Variants in GNG2 observed in about 807,000 individuals in gnomAD.
GNG2 encodes guanine nucleotide-binding protein G(I)/G(S)/G(O) subunit gamma-2.
A neutral mutation model predicts 5.5 loss-of-function variants in GNG2; 5 were observed. The ratio of observed to expected loss-of-function variants is 0.91; its 90% CI spans 0.48 to 1.92. GNG2 has a LOEUF of 1.92. Ranked by LOEUF, GNG2 falls within the 30% of genes most tolerant of loss-of-function variation. GNG2 has a pLI of 0.01. For missense variants in GNG2, 55 were observed against 88.4 expected (o/e 0.62, Z 1.52); for synonymous variants, 28 against 32.0 (o/e 0.88, Z 0.42).
intron 2 of GNG2, among the ~76,000 whole-genome samples, chr14:51,846,620 G>A (rs779274686): frequency 5.3e-5 from 8 of 152,194 alleles, no homozygotes; most frequent in Non-Finnish European, 1.0e-4. Flanking sequence ...CTGCCACCCA[G>A]CTGAATATTT....
At chr14:51,919,116 C>T (rs1227638741) in intron 2 of GNG2, among the ~76,000 whole-genome samples, 4 of 152,098 alleles carry the variant, frequency 2.6e-5, no homozygotes, top group African/African-American at 7.2e-5. Context: ...TGAGCCACCG[C>T]GTCCGGCCTA....
At chr14:51,915,046 T>C (rs2140210834) in intron 2 of GNG2, among the ~76,000 whole-genome samples, 1 of 152,348 alleles carries the variant, frequency 6.6e-6, no homozygotes, top group East Asian at 1.9e-4. Context: ...TTGCTTTGCC[T>C]TTACTTTATC....
At chr14:51,951,799 T>A (rs1324809005) in intron 3 of GNG2, 1 of 682,082 alleles carries the variant, frequency 1.5e-6, no homozygotes, top group African/African-American at 1.8e-5. Context: ...CTATGGCTGC[T>A]TTCACTCTAA....
chr14:51,935,503 A>G (rs1180831843), intron 2 of GNG2, among the ~76,000 whole-genome samples: 2 of 152,194 alleles, frequency 1.3e-5, no homozygotes, highest in African/African-American at 4.8e-5. Context: ...GAAGAAAAGC[A>G]ACTTAGTGAG....
intron 2 of GNG2, among the ~76,000 whole-genome samples, chr14:51,843,808 AC>A (rs1323509714): frequency 6.6e-6 from 1 of 151,888 alleles, no homozygotes; most frequent in Non-Finnish European, 1.5e-5. Flanking sequence ...TCTTCAGTCC[AC>A]CCCACCCACA....
intron 2 of GNG2, among the ~76,000 whole-genome samples, chr14:51,842,053 T>C (rs1396988924): frequency 6.6e-6 from 1 of 152,238 alleles, no homozygotes; most frequent in African/African-American, 2.4e-5. Context: ...GCCTCCTTTT[T>C]AGCTCTCCTA....
intron 2 of GNG2, among the ~76,000 whole-genome samples, chr14:51,912,813 C>T (rs770257175): frequency 5.2e-5 from 6 of 115,182 alleles, no homozygotes; most frequent in Non-Finnish European, 9.7e-5. Context: ...TATGCTGCAA[C>T]GTGTATTTCA....
chr14:51,926,165 TC>T, intron 2 of GNG2, among the ~76,000 whole-genome samples: 1 of 152,146 alleles, frequency 6.6e-6, no homozygotes, highest in Admixed American at 6.5e-5. Flanking sequence ...TTTAATAAGT[TC>T]TCAATCTGAT....
At chr14:51,946,752 G>A (rs866095525) in intron 2 of GNG2, among the ~76,000 whole-genome samples, 13 of 152,116 alleles carry the variant, frequency 8.5e-5, no homozygotes, top group East Asian at 3.9e-4. Context: ...CCCCCACTAC[G>A]TGACTCTAAA....
chr14:51,892,122 T>C (rs896618311), intron 2 of GNG2, among the ~76,000 whole-genome samples: 4 of 152,172 alleles, frequency 2.6e-5, no homozygotes, highest in Non-Finnish European at 5.9e-5. Context: ...TTTTGCTAGT[T>C]TCATTGCAAA....
intron 2 of GNG2, among the ~76,000 whole-genome samples, chr14:51,890,563 T>A (rs1884779480): frequency 1.3e-5 from 2 of 152,234 alleles, no homozygotes; most frequent in South Asian, 2.1e-4. Flanking sequence ...TTTTCTGTTA[T>A]ATTCTCTCCA....
intron 2 of GNG2, among the ~76,000 whole-genome samples, chr14:51,828,369 A>G (rs961177034): frequency 6.6e-6 from 1 of 152,202 alleles, no homozygotes; most frequent in Non-Finnish European, 1.5e-5. Flanking sequence ...AAATGGTTCC[A>G]GGGCACAATT....
intron 2 of GNG2, chr14:51,914,128 T>C: frequency 1.5e-6 from 1 of 664,386 alleles, no homozygotes; most frequent in Non-Finnish European, 2.7e-6. Flanking sequence ...GAAATTGCAA[T>C]CATCTTGTTT....
At chr14:51,891,663 A>G (rs543025861) in intron 2 of GNG2, among the ~76,000 whole-genome samples, 22 of 152,230 alleles carry the variant, frequency 1.4e-4, no homozygotes, top group Non-Finnish European at 2.9e-4. Flanking sequence ...TAAATAAATG[A>G]CATCATGCTT....
chr14:51,892,888 T>C (rs544745276), intron 2 of GNG2, among the ~76,000 whole-genome samples: 1 of 152,376 alleles, frequency 6.6e-6, no homozygotes, highest in Non-Finnish European at 1.5e-5. Flanking sequence ...TGCATGCATA[T>C]TAGGTAGTTG....
intron 1 of GNG2, among the ~76,000 whole-genome samples, chr14:51,875,117 T>G (rs1046179358): frequency 6.6e-6 from 1 of 152,268 alleles, no homozygotes; most frequent in Non-Finnish European, 1.5e-5. Flanking sequence ...TAGAAGTTAC[T>G]TCTTTTTAAT....
chr14:51,899,588 A>T (rs190850061), intron 2 of GNG2, among the ~76,000 whole-genome samples: 1 of 152,266 alleles, frequency 6.6e-6, no homozygotes, highest in Admixed American at 6.5e-5. Context: ...TGAAAATCCA[A>T]CACAGTGAAA....
rs1386125757 is a variant in GNG2 at position 51,966,219 on chromosome 14, A to AAAAAC, written c.88-336_88-335insCAAAA. On this transcript the variant is annotated intron_variant, in intron 3 of 3. Coordinates refer to ENST00000556766, the MANE Select transcript of GNG2 (RefSeq NM_053064.5). The stretch of plus-strand genomic sequence containing the variant: ...AGCGAGACTGCATCTCAAAAAAAAA[A>AAAAAC]AAAAAAAAAAAAAAAAAACAAATGA... Among the ~76,000 whole-genome samples the AAAAAC allele has an allele frequency of 1.7e-4, 24 of 145,358 alleles. 1 individual carries two copies. The highest frequency in any genetic ancestry group is 5.5e-4 in the African/African-American group (22 of 40,194).
Position 51,966,917 on chromosome 14 carries a change from T to A in GNG2, c.*230T>A, listed in dbSNP as rs1388661375. The A allele has an allele frequency of 1.6e-5, 4 of 251,638 alleles. No individual in the cohort carries two copies. The highest frequency in any genetic ancestry group is 2.3e-5 in the Non-Finnish European group (3 of 133,172). The allele number at this position is 251,638 out of a possible 1,614,324, so 15.6% of individuals were successfully genotyped here. On this transcript the variant is annotated 3_prime_UTR_variant, in exon 4 of 4. Transcript: ENST00000556766. ...TGACGAACTGCCTGGAGGAGGGGAATATATAAAAATAAAATTGGTGTCACT... is the reference window on the plus strand; with the variant it reads ...TGACGAACTGCCTGGAGGAGGGGAAAATATAAAAATAAAATTGGTGTCACT...
Sources: gnomAD v4.1 joint callset for allele counts (sites outside exome capture counted in the v4.1 genomes callset) on GRCh38, gnomAD v4.1.1 for gene constraint, MANE v1.5 for transcripts, NCBI Gene and HGNC (gene_info 2026-07-23, HGNC 2026-07-21) for gene names.